SYN3: variants seen among roughly 807,000 people sequenced by gnomAD.
SYN3 encodes synapsin-3.
SYN3 carries 35 observed loss-of-function variants against 65.8 expected under a neutral mutation model. That is an observed-to-expected ratio of 0.53 (90% CI 0.41 to 0.70). The LOEUF (loss-of-function observed/expected upper bound fraction) is 0.70, where lower values mean the gene tolerates loss of function less well. SYN3 is among the 30% of genes least tolerant of loss of function. The probability of loss-of-function intolerance (pLI) is 0.00; values close to 1 mark genes in which losing one functional copy is unlikely to be tolerated. For missense variants in SYN3, 680 were observed against 749.0 expected (o/e 0.91, Z 1.08); for synonymous variants, 270 against 292.9 (o/e 0.92, Z 0.80).
At chr22:32,537,944 G>A (rs1310576291) in intron 9 of SYN3, 92 bp downstream of exon 9, 36 of 1,128,350 alleles carry the variant, frequency 3.2e-5, no homozygotes, top group Admixed American at 5.2e-5. Flanking sequence ...GACGGAGGGC[G>A]GAGTGGCCTT....
chr22:33,051,070 G>A (rs976224358), intron 1 of SYN3, among the ~76,000 whole-genome samples: 3 of 152,126 alleles, frequency 2.0e-5, no homozygotes, highest in African/African-American at 7.2e-5. Flanking sequence ...AAATCAGCAA[G>A]TCCAACTCCT....
rs1396475765 is a variant in SYN3, at chr22:33,006,459, C to T, written c.204G>A (p.Lys68=). The T allele has an allele frequency of 1.9e-6, 3 of 1,614,046 alleles. No individual in the cohort carries two copies. The African/African-American group carries it at 4.0e-5, about 22-fold the overall frequency. Residue 68 remains lysine, a synonymous_variant, in exon 2 of 14, where the codon AAG becomes AAA. Coordinates refer to ENST00000358763, the MANE Select transcript of SYN3 (RefSeq NM_003490.4). The stretch of plus-strand genomic sequence containing the variant: ...GTCCTGAGGTGGCCTGAGGGGCCTG[C>T]TTCATGGCACTGGAGAGGGAGCTAA... ...SLFSSLSSAM[K]QAPQATSGLM...
At chr22:33,036,605 GA>G (rs1157299401) in intron 1 of SYN3, among the ~76,000 whole-genome samples, 1 of 150,782 alleles carries the variant, frequency 6.6e-6, no homozygotes, top group Non-Finnish European at 1.5e-5. Flanking sequence ...TGCTGCCCTG[GA>G]AATTCAAAAT....
chr22:32,537,954 T>C (rs2058192648), intron 9 of SYN3, 82 bp downstream of exon 9: 1 of 1,328,970 alleles, frequency 7.5e-7, no homozygotes, highest in East Asian at 2.3e-5. Flanking sequence ...GGAGTGGCCT[T>C]CTCTTCAGGG....
chr22:32,609,117 G>A (rs993556925), intron 6 of SYN3, among the ~76,000 whole-genome samples: 15 of 152,226 alleles, frequency 9.9e-5, no homozygotes, highest in African/African-American at 2.6e-4. Flanking sequence ...GAGGTCAGGA[G>A]ATCGAGACCA....
chr22:32,703,556 G>T (rs2060838372), intron 6 of SYN3, among the ~76,000 whole-genome samples: 1 of 151,696 alleles, frequency 6.6e-6, no homozygotes, highest in South Asian at 2.1e-4. Flanking sequence ...AGAATGGCAT[G>T]AACCCGGGAG....
intron 6 of SYN3, among the ~76,000 whole-genome samples, chr22:32,633,341 G>T (rs1392984755): frequency 6.6e-6 from 1 of 152,178 alleles, no homozygotes; most frequent in African/African-American, 2.4e-5. Context: ...GGGTCACACA[G>T]TTAAGTGGCA....
intron 2 of SYN3, among the ~76,000 whole-genome samples, chr22:32,983,152 T>G (rs2052419333): frequency 6.6e-6 from 1 of 152,210 alleles, no homozygotes; most frequent in South Asian, 2.1e-4. Context: ...TCCATAAACC[T>G]TCTCTGGGAC....
intron 4 of SYN3, among the ~76,000 whole-genome samples, chr22:32,928,224 G>T (rs1156964665): frequency 6.6e-6 from 1 of 152,156 alleles, no homozygotes; most frequent in Non-Finnish European, 1.5e-5. Flanking sequence ...CAGCTACTTG[G>T]GAGGCTGGGG....
intron 1 of SYN3, among the ~76,000 whole-genome samples, chr22:33,055,582 C>T (rs1211316503): frequency 6.6e-6 from 1 of 152,150 alleles, no homozygotes; most frequent in Non-Finnish European, 1.5e-5. Context: ...AATGTATGAT[C>T]CCCTGGAGTC....
intron 7 of SYN3, chr22:32,583,811 G>A (rs2146508763): frequency 6.6e-6 from 1 of 152,236 alleles, no homozygotes; most frequent in East Asian, 1.9e-4. Flanking sequence ...CTATACCTAG[G>A]ATTTCTAACC....
intron 6 of SYN3, among the ~76,000 whole-genome samples, chr22:32,830,838 C>T (rs2047552277): frequency 6.6e-6 from 1 of 152,192 alleles, no homozygotes; most frequent in African/African-American, 2.4e-5. Flanking sequence ...GTGTTTCCTG[C>T]AAATCCTGCT....
intron 1 of SYN3, among the ~76,000 whole-genome samples, chr22:33,035,837 T>A (rs1422209253): frequency 2.6e-5 from 4 of 152,190 alleles, no homozygotes; most frequent in African/African-American, 9.7e-5. Flanking sequence ...CTGCCTTCTG[T>A]CTACCAAAGT....
At chr22:32,619,587 T>C (rs1483206470) in intron 6 of SYN3, among the ~76,000 whole-genome samples, 1 of 152,310 alleles carries the variant, frequency 6.6e-6, no homozygotes, top group East Asian at 1.9e-4. Flanking sequence ...GAGGCTCCCA[T>C]AGCATCAGAC....
rs1418489838 is a variant in SYN3, at chr22:32,640,005, A to G, written c.712-43269T>C. 5.9e-5 allele frequency among the ~76,000 whole-genome samples: 9 copies of G among 152,170 alleles called. No individual in the cohort carries two copies. The South Asian group carries it at 6.2e-4, about 11-fold the overall frequency. On this transcript the variant is annotated intron_variant, in intron 6 of 13. Transcript: ENST00000358763. ...TTGCTGCCACTCCTTTCTTCAATCC[A>G]TATGTTCTAGAACTGCAAAACTGTT... is the stretch of plus-strand genomic sequence containing the variant.
At chr22:32,582,322 T>A (rs1237752075) in intron 7 of SYN3, among the ~76,000 whole-genome samples, 1 of 150,926 alleles carries the variant, frequency 6.6e-6, no homozygotes, top group Non-Finnish European at 1.5e-5. Context: ...AGATTCAGAG[T>A]TGGCAGGTCT....
chr22:32,563,761 C>T (rs2146365436), intron 7 of SYN3, among the ~76,000 whole-genome samples: 1 of 152,224 alleles, frequency 6.6e-6, no homozygotes, highest in South Asian at 2.1e-4. Flanking sequence ...CCTCCGCCTC[C>T]CAGGTTCAAG....
At chr22:32,637,555 G>T (rs879362464) in intron 6 of SYN3, among the ~76,000 whole-genome samples, 35 of 151,062 alleles carry the variant, frequency 2.3e-4, no homozygotes, top group Non-Finnish European at 2.7e-4. Context: ...ATGCTGGGAT[G>T]TTGGGATATG....
chr22:32,986,962 TGA>T (rs1161529389), intron 2 of SYN3, among the ~76,000 whole-genome samples: 1 of 152,014 alleles, frequency 6.6e-6, no homozygotes, highest in African/African-American at 2.4e-5. Context: ...GAAGTGTGTA[TGA>T]GAGAGACTGA....
Sources: allele counts gnomAD v4.1 joint callset (sites outside exome capture counted in the v4.1 genomes callset), GRCh38; gene constraint gnomAD v4.1.1; transcripts MANE v1.5; gene names NCBI Gene and HGNC (gene_info 2026-07-23, HGNC 2026-07-21).